The following EVC variants were observed in gnomAD, a reference collection of about 807,000 sequenced individuals.
EVC encodes the protein evC complex member EVC.
A neutral mutation model predicts 118.9 loss-of-function variants in EVC; 116 were observed. That is an observed-to-expected ratio of 0.98 (90% CI 0.84 to 1.14). The LOEUF is 1.14. Among genes scored for constraint, EVC ranks in the 50% most tolerant of loss-of-function variants. The pLI, the probability that EVC is intolerant of heterozygous loss-of-function variation, is 0.00. For synonymous variants in EVC, 619 were observed against 534.7 expected, an observed-to-expected ratio of 1.16 and a Z score of -2.18; for missense variants, 1,401 against 1,246.4, an observed-to-expected ratio of 1.12 and a Z score of -1.87.
the EVC span, chr4:5,821,810 G>A: frequency 1.2e-6 from 2 of 1,611,328 alleles, no homozygotes; most frequent in Non-Finnish European, 1.7e-6. The surrounding 1 kb of genome is among the most constrained non-coding windows in gnomAD (Gnocchi z 4.4). Flanking sequence ...GCCACGATGC[G>A]GTGGCCGGTG....
At chr4:5,758,958 C>G (rs1731593320) in intron 11 of EVC, among the ~76,000 whole-genome samples, 1 of 152,066 alleles carries the variant, frequency 6.6e-6, no homozygotes, top group Non-Finnish European at 1.5e-5. Context: ...GGAGATGATT[C>G]AGAGCAGATG....
At chr4:5,800,646 A>G (rs1028019425) in intron 15 of EVC, among the ~76,000 whole-genome samples, 1 of 152,148 alleles carries the variant, frequency 6.6e-6, no homozygotes, top group Non-Finnish European at 1.5e-5. Flanking sequence ...ACCTTCGGGG[A>G]AAGAGGATGG....
the EVC span, among the ~76,000 whole-genome samples, chr4:5,827,733 G>GCGCGCACA: frequency 1.5e-4 from 21 of 138,276 alleles, no homozygotes; most frequent in African/African-American, 6.0e-4. Context: ...ATGTGCGCGT[G>GCGCGCACA]CACACACACA....
At chr4:5,828,422 G>A in the EVC span, 2,861 of 1,566,840 alleles carry the variant, frequency 1.8e-3, 45 homozygotes, top group African/African-American at 0.035. Context: ...GTCAGATCTC[G>A]ATTCCCCAAG....
At chr4:5,817,501 C>A (rs1217808808), downstream of EVC, among the ~76,000 whole-genome samples, 1 of 152,224 alleles carries the variant, frequency 6.6e-6, no homozygotes, top group Non-Finnish European at 1.5e-5. Context: ...AAGCCAGGTG[C>A]ACCAGGGCCC....
intron 2 of EVC, among the ~76,000 whole-genome samples, chr4:5,727,518 A>G (rs376635730): frequency 0.055 from 8,348 of 151,960 alleles, 687 homozygotes; most frequent in African/African-American, 0.19. Flanking sequence ...CCCATTTTGT[A>G]GGTTGCCTGT....
intron 5 of EVC, among the ~76,000 whole-genome samples, chr4:5,734,036 G>A (rs932519907): frequency 1.3e-5 from 2 of 152,154 alleles, no homozygotes; most frequent in African/African-American, 4.8e-5. Context: ...GTGGATGTGG[G>A]GAAAACAACA....
intron 11 of EVC, among the ~76,000 whole-genome samples, chr4:5,766,328 C>T (rs1732856743): frequency 6.7e-6 from 1 of 149,618 alleles, no homozygotes; most frequent in Non-Finnish European, 1.5e-5. Context: ...TCTCTGGCTG[C>T]CCTTAACATT....
intron 13 of EVC, among the ~76,000 whole-genome samples, chr4:5,794,672 A>T (rs1422008929): frequency 6.6e-6 from 1 of 151,980 alleles, no homozygotes; most frequent in Admixed American, 6.6e-5. Flanking sequence ...CAGCCTTCCA[A>T]AGTGCTAGGA....
At chr4:5,748,528 C>A (rs557172182) in intron 8 of EVC, among the ~76,000 whole-genome samples, 7 of 151,228 alleles carry the variant, frequency 4.6e-5, no homozygotes, top group African/African-American at 1.7e-4. Flanking sequence ...ATCCATCCAT[C>A]CATCTACCCA....
At chr4:5,821,739 A>C in the EVC span, 16 of 1,589,710 alleles carry the variant, frequency 1.0e-5, no homozygotes, top group Non-Finnish European at 1.4e-5. The surrounding 1 kb of genome is among the most constrained non-coding windows in gnomAD (Gnocchi z 4.4). Context: ...CCTTCAGGCT[A>C]GCTCCTCCGC....
chr4:5,826,131 C>T, the EVC span: 17 of 176,396 alleles, frequency 9.6e-5, no homozygotes, highest in Admixed American at 1.3e-4. Flanking sequence ...CTTACACACA[C>T]GCATACTCAT....
the EVC span, chr4:5,821,738 T>G: frequency 6.3e-7 from 1 of 1,589,092 alleles, no homozygotes; most frequent in Non-Finnish European, 8.6e-7. The surrounding 1 kb of genome is among the most constrained non-coding windows in gnomAD (Gnocchi z 4.4). Context: ...TCCTTCAGGC[T>G]AGCTCCTCCG....
At chr4:5,793,812 G>A (rs1713248569) in intron 13 of EVC, 95 bp downstream of exon 13, 1 of 911,724 alleles carries the variant, frequency 1.1e-6, no homozygotes, top group East Asian at 2.6e-5. Context: ...CACGCTGACT[G>A]CCCCTCAGCT....
At chr4:5,824,952 A>G in the EVC span, 3 of 985,436 alleles carry the variant, frequency 3.0e-6, no homozygotes, top group Non-Finnish European at 3.6e-6. Context: ...TTTGTTGAGC[A>G]CCAAGTCCTG....
chr4:5,774,517 C>G (rs549387113), intron 11 of EVC, among the ~76,000 whole-genome samples: 7 of 152,084 alleles, frequency 4.6e-5, no homozygotes, highest in African/African-American at 1.4e-4. Flanking sequence ...TAAGACTGAG[C>G]CTTGAGTAGG....
chr4:5,786,136 C>G (rs1217728479), intron 12 of EVC, among the ~76,000 whole-genome samples: 1 of 152,138 alleles, frequency 6.6e-6, no homozygotes, highest in East Asian at 1.9e-4. Flanking sequence ...ACACAACTTG[C>G]TAAAAATGCC....
Position 5,748,670 on chromosome 4 carries a change from A to G in EVC, c.1098+364A>G, listed in dbSNP as rs1410759802. On this transcript the variant is annotated intron_variant, in intron 8 of 20. Transcript: ENST00000264956. Reference sequence around the variant, plus strand: ...CATTTATCCATCCATCCATCCCTCCATCCATCCATCCACCCACCCATCCAT... The same window carrying G: ...CATTTATCCATCCATCCATCCCTCCGTCCATCCATCCACCCACCCATCCAT... Among the ~76,000 whole-genome samples, 33 of 113,766 alleles carry G rather than the reference A, an allele frequency of 2.9e-4. 1 individual carries two copies. In the South Asian group the frequency reaches 3.4e-3, roughly 12 times the overall value. 74.6% of individuals were successfully genotyped at this position (113,766 alleles called of 152,430 possible). A position where few individuals can be genotyped will look rare whatever the true frequency, so the allele number is the denominator to read the frequency against.
At chr4:5,796,986 A>C in intron 13 of EVC, 36 bp from the exon 14 acceptor site, 1 of 1,491,922 alleles carries the variant, frequency 6.7e-7, no homozygotes, top group Non-Finnish European at 9.4e-7. Context: ...TGAAGCCAAG[A>C]GCATTGACCC....
Sources: allele counts gnomAD v4.1 joint callset (sites outside exome capture counted in the v4.1 genomes callset), GRCh38; gene constraint gnomAD v4.1.1; non-coding constraint Gnocchi (gnomAD v3.1); transcripts MANE v1.5; gene names NCBI Gene and HGNC (gene_info 2026-07-23, HGNC 2026-07-21).